Variants in PRICKLE2 observed in about 807,000 individuals in gnomAD.
PRICKLE2 encodes the protein prickle-like protein 2.
Under a neutral mutation model 81.4 loss-of-function variants are expected in PRICKLE2, and 21 were observed. That is an observed-to-expected ratio of 0.26 (90% CI 0.18 to 0.37). The LOEUF (loss-of-function observed/expected upper bound fraction) is 0.37, where lower values mean the gene tolerates loss of function less well. Among genes scored for constraint, PRICKLE2 ranks in the 10% least tolerant of loss-of-function variants. The pLI is 1.00. For synonymous variants in PRICKLE2, 456 were observed against 421.5 expected (o/e 1.08, Z -1.00); for missense variants, 940 against 1,109.0 (o/e 0.85, Z 2.16).
At chr3:64,250,719 G>T (rs1341470759) in intron 2 of PRICKLE2, among the ~76,000 whole-genome samples, 1 of 152,180 alleles carries the variant, frequency 6.6e-6, no homozygotes, top group Non-Finnish European at 1.5e-5. Context: ...TCTATCCACT[G>T]TATCACTGTA....
chr3:64,189,308 T>TGAATTCCTTAGTCACTAAGGTC (rs1322640022), intron 2 of PRICKLE2, among the ~76,000 whole-genome samples: 2 of 152,160 alleles, frequency 1.3e-5, no homozygotes, highest in African/African-American at 4.8e-5. Context: ...GGGGAAAAGA[T>TGAATTCCTTAGTCACTAAGGTC]GAATTCCTTA....
At chr3:64,265,335 C>A (rs2079684124) in intron 2 of PRICKLE2, among the ~76,000 whole-genome samples, 1 of 152,136 alleles carries the variant, frequency 6.6e-6, no homozygotes, top group Admixed American at 6.5e-5. Flanking sequence ...TTATATTCAA[C>A]TAGGATTACC....
intron 2 of PRICKLE2, among the ~76,000 whole-genome samples, chr3:64,260,756 T>C (rs2079604862): frequency 6.6e-6 from 1 of 152,194 alleles, no homozygotes; most frequent in South Asian, 2.1e-4. Flanking sequence ...CAGTGAGAGG[T>C]TGTGGCTTTT....
At chr3:64,266,534 G>A (rs919642200) in intron 2 of PRICKLE2, among the ~76,000 whole-genome samples, 10 of 152,266 alleles carry the variant, frequency 6.6e-5, no homozygotes, top group South Asian at 2.1e-4. Context: ...TTTATTGTAG[G>A]ATGAGCAGAA....
chr3:64,163,298 T>A, intron 2 of PRICKLE2, 169 bp from the exon 3 acceptor site: 1 of 665,390 alleles, frequency 1.5e-6, no homozygotes, highest in South Asian at 1.6e-5. Context: ...GAGAAATTCA[T>A]CCTTAAAGCA....
intron 1 of PRICKLE2, among the ~76,000 whole-genome samples, chr3:64,215,860 C>T (rs1003904158): frequency 6.6e-6 from 1 of 152,280 alleles, no homozygotes; most frequent in Admixed American, 6.5e-5. Flanking sequence ...TTTGAAAGAA[C>T]GCCTCAAGTA....
At chr3:64,200,163 A>G (rs1240929736) in intron 1 of PRICKLE2, 1 of 151,822 alleles carries the variant, frequency 6.6e-6, no homozygotes, top group Non-Finnish European at 1.5e-5. Flanking sequence ...CCACTAATCT[A>G]TTTTCTGTCT....
At chr3:64,115,834 G>A (rs112568309) in intron 7 of PRICKLE2, among the ~76,000 whole-genome samples, 3,346 of 152,072 alleles carry the variant, frequency 0.022, 128 homozygotes, top group African/African-American at 0.075. Flanking sequence ...ACTCCGCTCT[G>A]GATCAAGCAG....
chr3:64,146,551 G>A (rs555032415), intron 7 of PRICKLE2: 8 of 381,016 alleles, frequency 2.1e-5, no homozygotes, highest in Non-Finnish European at 4.0e-5. Context: ...AGAACATCCC[G>A]GCTAACACGG....
chr3:64,239,513 T>G (rs1387020308), intron 2 of PRICKLE2, among the ~76,000 whole-genome samples: 1 of 152,184 alleles, frequency 6.6e-6, no homozygotes, highest in African/African-American at 2.4e-5. Flanking sequence ...CCAGGTGCTA[T>G]CCACAGACAT....
At chr3:64,120,018 G>T (rs554506021) in intron 7 of PRICKLE2, among the ~76,000 whole-genome samples, 1 of 152,132 alleles carries the variant, frequency 6.6e-6, no homozygotes, top group East Asian at 1.9e-4. Flanking sequence ...GGTACTCAAC[G>T]GATGTAAAGA....
intron 1 of PRICKLE2, among the ~76,000 whole-genome samples, chr3:64,204,646 C>T (rs955776842): frequency 6.6e-6 from 1 of 151,768 alleles, no homozygotes; most frequent in African/African-American, 2.4e-5. Context: ...AAAAAAAAAA[C>T]CAAAACCCTA....
At chr3:64,187,616 T>C (rs1466108066) in intron 2 of PRICKLE2, 1 of 152,234 alleles carries the variant, frequency 6.6e-6, no homozygotes, top group African/African-American at 2.4e-5. Flanking sequence ...GTGAGTCTAA[T>C]GATGGTTTTT....
Position 64,147,552 on chromosome 3 carries a change from C to T in PRICKLE2, c.938G>A (p.Gly313Glu), listed in dbSNP as rs2077477681. The part of the protein sequence containing the change: ...QIFCSRACSA[G>E]EDPNGSDSSD... ...GGAGTCAGAACCATTGGGGTCTTCCCCAGCACTGCAGGCCCGTGAGCAGAA... is the reference window on the plus strand; with the variant it reads ...GGAGTCAGAACCATTGGGGTCTTCCTCAGCACTGCAGGCCCGTGAGCAGAA... Residue 313 changes from glycine (G) to glutamate (E), a missense_variant, in exon 7 of 8, where the codon GGG becomes GAG. Gly to Glu is a moderately conservative substitution (Grantham distance 98). Around this residue, in one of 2 missense-constraint regions of PRICKLE2, gnomAD observed 670 missense variants for 717.2 expected, o/e 0.93. Transcript: ENST00000638394. The surrounding 1 kb of genome is among the most constrained non-coding windows in gnomAD (Gnocchi z 5.0). 1.2e-6 allele frequency: 2 copies of T among 1,614,224 alleles called. No individual in the cohort carries two copies. The highest frequency in any genetic ancestry group is 1.7e-5 in the Admixed American group (1 of 60,032).
intron 7 of PRICKLE2, chr3:64,102,811 G>A (rs1487928820): frequency 6.6e-6 from 1 of 152,080 alleles, no homozygotes; most frequent in Non-Finnish European, 1.5e-5. Context: ...ATAGATAAAA[G>A]TATTATGCTA....
At chr3:64,167,321 G>A (rs565001654) in intron 2 of PRICKLE2, among the ~76,000 whole-genome samples, 72 of 152,248 alleles carry the variant, frequency 4.7e-4, no homozygotes, top group Non-Finnish European at 7.4e-4. Context: ...TCAAAAGCAC[G>A]TCTGTTGAAT....
intron 2 of PRICKLE2, among the ~76,000 whole-genome samples, chr3:64,260,743 A>G (rs1158256441): frequency 2.6e-5 from 4 of 152,184 alleles, no homozygotes. Context: ...CACCAATAAC[A>G]TTCAGTGAGA....
chr3:64,218,803 G>A (rs1309110267), intron 1 of PRICKLE2, among the ~76,000 whole-genome samples: 3 of 152,156 alleles, frequency 2.0e-5, no homozygotes. Context: ...CTATTATAAA[G>A]GTAGTTTAGA....
At chr3:64,206,911 A>AT (rs1466727381) in intron 1 of PRICKLE2, among the ~76,000 whole-genome samples, 1 of 152,082 alleles carries the variant, frequency 6.6e-6, no homozygotes, top group Non-Finnish European at 1.5e-5. Context: ...AAAAGAACAC[A>AT]TTTTTTTGAG....
Sources: gnomAD v4.1 joint callset for allele counts (sites outside exome capture counted in the v4.1 genomes callset) on GRCh38, gnomAD v4.1.1 for gene constraint, gnomAD v4.1.1 regional missense constraint, Gnocchi (gnomAD v3.1) non-coding constraint, MANE v1.5 for transcripts, NCBI Gene and HGNC (gene_info 2026-07-23, HGNC 2026-07-21) for gene names.